RORA: variants seen among roughly 807,000 people sequenced by gnomAD.
RORA encodes the protein RAR related orphan receptor A, also known as nuclear receptor ROR-alpha.
A neutral mutation model predicts 69.5 loss-of-function variants in RORA; 7 were observed. The observed-to-expected ratio is 0.10, with a 90% CI of 0.06 to 0.19. The LOEUF is 0.19. RORA is among the 10% of genes least tolerant of loss of function. RORA has a pLI of 1.00. For missense variants in RORA, 457 were observed against 663.0 expected (o/e 0.69, Z 3.41); for synonymous variants, 261 against 240.8 (o/e 1.08, Z -0.78).
At chr15:60,659,149 T>C (rs976425810) in intron 2 of RORA, among the ~76,000 whole-genome samples, 1 of 152,220 alleles carries the variant, frequency 6.6e-6, no homozygotes, top group Non-Finnish European at 1.5e-5. Flanking sequence ...CTACCTGAAA[T>C]GAACATCTGA....
At chr15:61,179,481 G>C (rs912976185) in intron 1 of RORA, among the ~76,000 whole-genome samples, 33 of 152,092 alleles carry the variant, frequency 2.2e-4, no homozygotes, top group African/African-American at 7.7e-4. Flanking sequence ...AGGATGCAAT[G>C]GGTTTATAAT....
intron 1 of RORA, among the ~76,000 whole-genome samples, chr15:61,207,040 C>A (rs1465717000): frequency 6.6e-6 from 1 of 152,096 alleles, no homozygotes; most frequent in African/African-American, 2.4e-5. Context: ...GGCCTCATCC[C>A]ACTATGCAGT....
chr15:60,811,499 T>G (rs982493362), intron 1 of RORA, among the ~76,000 whole-genome samples: 2 of 152,226 alleles, frequency 1.3e-5, no homozygotes, highest in African/African-American at 4.8e-5. Flanking sequence ...TACAAATCAT[T>G]TTAGTGGATT....
At chr15:60,991,023 G>C (rs1357585738) in intron 1 of RORA, among the ~76,000 whole-genome samples, 1 of 152,126 alleles carries the variant, frequency 6.6e-6, no homozygotes, top group Non-Finnish European at 1.5e-5. Context: ...ACTAGCAAGA[G>C]CCAAATCTCT....
chr15:60,577,644 CA>C (rs34467661), intron 2 of RORA, among the ~76,000 whole-genome samples: 55,754 of 104,862 alleles, frequency 0.53, 10,963 homozygotes, highest in East Asian at 0.64. Flanking sequence ...ACTCTGTTTC[CA>C]AAAAAAAAAA....
intron 1 of RORA, among the ~76,000 whole-genome samples, chr15:61,055,849 T>G (rs1028445245): frequency 6.6e-6 from 1 of 152,240 alleles, no homozygotes; most frequent in Admixed American, 6.5e-5. Context: ...GTCATGACAC[T>G]CTTCCTCAGT....
rs1176272217 is a variant in RORA at position 60,495,597 on chromosome 15, T to C, written c.*1858A>G. On this transcript the variant is annotated 3_prime_UTR_variant, in exon 11 of 11. Coordinates refer to ENST00000335670, the MANE Select transcript of RORA (RefSeq NM_134261.3). ...ATGACGTGAAGAGCTGCAATTCCTGTAGAAGATTCCGCAGGGACCCCAATG... is the reference window on the plus strand; with the variant it reads ...ATGACGTGAAGAGCTGCAATTCCTGCAGAAGATTCCGCAGGGACCCCAATG... 6.6e-6 allele frequency: 1 copy of C among 152,186 alleles called. No homozygotes were observed. The highest frequency in any genetic ancestry group is 2.4e-5 in the African/African-American group (1 of 41,450). The allele number at this position is 152,186 out of a possible 1,614,324, so 9.4% of individuals were successfully genotyped here. A position where few individuals can be genotyped will look rare whatever the true frequency, so the allele number is the denominator to read the frequency against.
At chr15:60,655,408 T>C (rs936595975) in intron 2 of RORA, among the ~76,000 whole-genome samples, 22 of 152,128 alleles carry the variant, frequency 1.4e-4, no homozygotes, top group Admixed American at 1.4e-3. Flanking sequence ...ACATAGGCCA[T>C]GATAAACAGC....
At chr15:60,576,985 A>C (rs1345510452) in intron 2 of RORA, among the ~76,000 whole-genome samples, 2 of 152,252 alleles carry the variant, frequency 1.3e-5, no homozygotes, top group Admixed American at 6.5e-5. Flanking sequence ...AGATGATTAA[A>C]GATAAACTGT....
At chr15:60,660,867 C>G (rs886410130) in intron 2 of RORA, among the ~76,000 whole-genome samples, 1 of 152,110 alleles carries the variant, frequency 6.6e-6, no homozygotes, top group South Asian at 2.1e-4. Context: ...AGTCCTTATC[C>G]CTTTCCTTGG....
intron 2 of RORA, among the ~76,000 whole-genome samples, chr15:60,539,028 C>CACACA: frequency 6.6e-6 from 1 of 150,588 alleles, no homozygotes; most frequent in Non-Finnish European, 1.5e-5. Context: ...CACACACACT[C>CACACA]CTCAAACCAT....
chr15:60,556,997 T>C lies in RORA; in HGVS notation c.197-25146A>G, dbSNP rs910786709. The stretch of plus-strand genomic sequence containing the variant: ...ATTTATCAGAGCATGTATTTATGCA[T>C]AGCACATCCCCAAATGCTTGAACAG... On this transcript the variant is annotated intron_variant, in intron 2 of 10. Transcript: ENST00000335670. 16 of 1,291,094 alleles carry C rather than the reference T, an allele frequency of 1.2e-5. No homozygotes were observed. The African/African-American group carries it at 1.9e-4, about 15-fold the overall frequency. 80.0% of individuals were successfully genotyped at this position (1,291,094 alleles called of 1,614,324 possible).
intron 1 of RORA, among the ~76,000 whole-genome samples, chr15:60,911,860 T>TTG (rs386383195): frequency 5.8e-4 from 1 of 1,730 alleles, no homozygotes; most frequent in Non-Finnish European, 0.02. Flanking sequence ...CCTGGCTAAG[T>TTG]TTTTTTTTTT....
At chr15:60,575,583 T>C (rs978926170) in intron 2 of RORA, among the ~76,000 whole-genome samples, 7 of 152,218 alleles carry the variant, frequency 4.6e-5, no homozygotes, top group African/African-American at 1.2e-4. Flanking sequence ...GGTAAGCTTT[T>C]TATTGAAGTG....
At chr15:60,931,518 T>G (rs1892371768) in intron 1 of RORA, among the ~76,000 whole-genome samples, 6 of 152,240 alleles carry the variant, frequency 3.9e-5, no homozygotes, top group Admixed American at 3.3e-4. Context: ...GACATTTGAT[T>G]ACTCCTTTCT....
rs772187950 is a variant in RORA at position 61,169,272 on chromosome 15, G to GA, written c.166+59780dup. On this transcript the variant is annotated intron_variant, in intron 1 of 10. Transcript: ENST00000335670. The stretch of plus-strand genomic sequence containing the variant: ...CTCTTACAGCCCTGTACACAGCTTG[G>GA]AAAAAAAAAAAAAAAGTCTGGCGTC... 3.3e-3 allele frequency among the ~76,000 whole-genome samples: 442 copies of GA among 134,864 alleles called. 1 individual carries two copies. Among genetic ancestry groups the GA allele is most frequent in the Middle Eastern group, 7.3e-3 (2 of 274 alleles). The allele number at this position is 134,864 out of a possible 152,430, so 88.5% of individuals were successfully genotyped here.
intron 2 of RORA, among the ~76,000 whole-genome samples, chr15:60,567,230 T>A (rs2067738933): frequency 6.6e-6 from 1 of 150,996 alleles, no homozygotes; most frequent in African/African-American, 2.4e-5. Context: ...GACCAGTTAT[T>A]CCAAACGGCG....
intron 2 of RORA, among the ~76,000 whole-genome samples, chr15:60,669,230 A>T (rs922020967): frequency 1.3e-5 from 2 of 152,180 alleles, no homozygotes; most frequent in Non-Finnish European, 2.9e-5. Flanking sequence ...GGGTCTTACA[A>T]TTAGACCTTA....
intron 1 of RORA, among the ~76,000 whole-genome samples, chr15:60,999,503 A>C (rs1026115494): frequency 1.2e-4 from 18 of 152,210 alleles, no homozygotes; most frequent in African/African-American, 4.3e-4. Context: ...TCACATGGGA[A>C]AATCTTCATA....
Sources: gnomAD v4.1 joint callset for allele counts (sites outside exome capture counted in the v4.1 genomes callset) on GRCh38, gnomAD v4.1.1 for gene constraint, MANE v1.5 for transcripts, NCBI Gene and HGNC (gene_info 2026-07-23, HGNC 2026-07-21) for gene names.